ZC3H13: variants seen among roughly 807,000 people sequenced by gnomAD.
ZC3H13 encodes the protein zinc finger CCCH-type containing 13.
A neutral mutation model predicts 204.1 loss-of-function variants in ZC3H13; 64 were observed. The ratio of observed to expected loss-of-function variants is 0.31; its 90% CI spans 0.26 to 0.39. The LOEUF is 0.39. ZC3H13 is among the 10% of genes least tolerant of loss of function. The pLI is 1.00. For synonymous variants in ZC3H13, 667 were observed against 693.7 expected, an observed-to-expected ratio of 0.96 and a Z score of 0.60; for missense variants, 1,833 against 2,082.7, an observed-to-expected ratio of 0.88 and a Z score of 2.33.
At chr13:46,004,192 T>C (rs1196042949) in intron 7 of ZC3H13, among the ~76,000 whole-genome samples, 2 of 151,970 alleles carry the variant, frequency 1.3e-5, no homozygotes, top group Non-Finnish European at 2.9e-5. Context: ...CCTATTACAA[T>C]ATTTTGCAAA....
At chr13:46,003,641 G>T (rs1299201529) in intron 7 of ZC3H13, among the ~76,000 whole-genome samples, 2 of 150,842 alleles carry the variant, frequency 1.3e-5, no homozygotes, top group Non-Finnish European at 1.5e-5. Flanking sequence ...TGTTTAAACT[G>T]TTTTTTTTTA....
intron 1 of ZC3H13, among the ~76,000 whole-genome samples, chr13:46,050,470 T>C (rs2044326084): frequency 6.6e-6 from 1 of 152,140 alleles, no homozygotes; most frequent in Non-Finnish European, 1.5e-5. Flanking sequence ...AGTAGCGGCA[T>C]AATATTAGGG....
chr13:46,013,616 A>C (rs181539618), intron 5 of ZC3H13, among the ~76,000 whole-genome samples: 1 of 152,324 alleles, frequency 6.6e-6, no homozygotes, highest in African/African-American at 2.4e-5. Context: ...TGACAACAAA[A>C]GAAAAAACAG....
rs963084185 is a variant in ZC3H13 at position 45,964,554 on chromosome 13, T to C, written c.4475-512A>G. 7.9e-5 allele frequency among the ~76,000 whole-genome samples: 12 copies of C among 152,320 alleles called. No individual in the cohort carries two copies. In the East Asian group the frequency reaches 1.9e-3, roughly 24 times the overall value. ...AACAGTTGAAGAAATAATGTTCTAC[T>C]TAGAAATACCTGATACCAGAAAATA... is the stretch of plus-strand genomic sequence containing the variant. On this transcript the variant is annotated intron_variant, in intron 16 of 18. Transcript: ENST00000679008.
chr13:45,995,736 G>A (rs1356437276), intron 8 of ZC3H13, among the ~76,000 whole-genome samples: 5 of 152,162 alleles, frequency 3.3e-5, no homozygotes, highest in Admixed American at 6.6e-5. Flanking sequence ...AGCTTTCTGA[G>A]GCCCCACCAG....
At chr13:45,995,004 C>T (rs1221936308) in intron 8 of ZC3H13, among the ~76,000 whole-genome samples, 1 of 112,342 alleles carries the variant, frequency 8.9e-6, no homozygotes, top group African/African-American at 3.7e-5. Flanking sequence ...GGTCATTTAA[C>T]TATCAGTGAA....
At chr13:46,049,910 T>C (rs1333406850) in intron 1 of ZC3H13, among the ~76,000 whole-genome samples, 1 of 152,218 alleles carries the variant, frequency 6.6e-6, no homozygotes, top group Non-Finnish European at 1.5e-5. Flanking sequence ...TACTCTTCTA[T>C]GAAGGTTTTC....
intron 8 of ZC3H13, among the ~76,000 whole-genome samples, chr13:46,000,445 C>G (rs1305042856): frequency 1.3e-5 from 2 of 152,206 alleles, no homozygotes; most frequent in Non-Finnish European, 1.5e-5. Context: ...ACGGAGATGG[C>G]TTCATTCGTT....
At chr13:46,024,408 T>C (rs1484836200) in intron 4 of ZC3H13, among the ~76,000 whole-genome samples, 1 of 152,198 alleles carries the variant, frequency 6.6e-6, no homozygotes, top group Non-Finnish European at 1.5e-5. Flanking sequence ...AAGGTCTTTA[T>C]TTTATTCTCA....
chr13:45,992,538 C>T (rs762664944), intron 8 of ZC3H13, among the ~76,000 whole-genome samples: 28 of 152,116 alleles, frequency 1.8e-4, no homozygotes, highest in Admixed American at 3.3e-4. Context: ...GAATACTAAA[C>T]TTGTGGGAGT....
Position 46,020,453 on chromosome 13 carries a change from T to C in ZC3H13, c.444A>G (p.Arg148=). Residue 148 remains arginine, a synonymous_variant, in exon 5 of 19, where the codon AGA becomes AGG. Transcript: ENST00000679008. The part of the protein sequence containing the change: ...EEENVEWETN[R]DDSDNGDINY... The stretch of plus-strand genomic sequence containing the variant: ...AACCAAGATTCTGAAACTCACCATC[T>C]CTATTAGTTTCCCATTCTACATTTT... The C allele has an allele frequency of 6.2e-7, 1 of 1,601,656 alleles. No homozygotes were observed. Among genetic ancestry groups the C allele is most frequent in the Non-Finnish European group, 8.5e-7 (1 of 1,172,394 alleles).
chr13:45,957,333 A>G (rs1351768180), intron 18 of ZC3H13, 36 bp from the exon 19 acceptor site: 1 of 1,431,300 alleles, frequency 7.0e-7, no homozygotes, highest in Non-Finnish European at 9.3e-7. Flanking sequence ...TTTAAAAAAG[A>G]TGTACATTAT....
At chr13:45,997,042 A>C (rs1001645761) in intron 8 of ZC3H13, among the ~76,000 whole-genome samples, 1 of 152,238 alleles carries the variant, frequency 6.6e-6, no homozygotes, top group Non-Finnish European at 1.5e-5. Flanking sequence ...TTTTAAAAAA[A>C]TATTATGGGA....
intron 8 of ZC3H13, among the ~76,000 whole-genome samples, chr13:45,997,637 T>C (rs2040436143): frequency 6.6e-6 from 1 of 152,118 alleles, no homozygotes; most frequent in South Asian, 2.1e-4. Context: ...TATTTTTGAA[T>C]TTGGACAACT....
intron 4 of ZC3H13, among the ~76,000 whole-genome samples, chr13:46,041,653 A>G (rs1042238236): frequency 6.6e-6 from 1 of 152,170 alleles, no homozygotes; most frequent in African/African-American, 2.4e-5. Flanking sequence ...TATTCAATGA[A>G]CTACATTATA....
chr13:46,036,413 A>G (rs546187948), intron 4 of ZC3H13, among the ~76,000 whole-genome samples: 16 of 152,170 alleles, frequency 1.1e-4, no homozygotes, highest in Non-Finnish European at 2.4e-4. Flanking sequence ...AAATAAATTC[A>G]GGATAAATAT....
intron 7 of ZC3H13, among the ~76,000 whole-genome samples, chr13:46,007,533 G>A (rs184078909): frequency 2.6e-5 from 4 of 152,240 alleles, no homozygotes; most frequent in Admixed American, 6.5e-5. Flanking sequence ...TTAAACCACC[G>A]ACATTTTGGG....
chr13:46,019,762 T>A (rs571497570), intron 5 of ZC3H13, among the ~76,000 whole-genome samples: 53 of 152,262 alleles, frequency 3.5e-4, no homozygotes, highest in East Asian at 7.7e-4. Context: ...TTCTTTGTTT[T>A]TTTGTAGAGA....
chr13:46,023,675 C>T (rs2042358531), intron 4 of ZC3H13, among the ~76,000 whole-genome samples: 1 of 152,130 alleles, frequency 6.6e-6, no homozygotes, highest in Non-Finnish European at 1.5e-5. Context: ...ATCTCCTAAA[C>T]TATACAAATT....
Sources: allele counts gnomAD v4.1 joint callset (sites outside exome capture counted in the v4.1 genomes callset), GRCh38; gene constraint gnomAD v4.1.1; transcripts MANE v1.5; gene names NCBI Gene and HGNC (gene_info 2026-07-23, HGNC 2026-07-21).